The following JADE3 variants were observed in gnomAD, a reference collection of about 807,000 sequenced individuals.
The protein encoded by JADE3 is protein Jade-3.
Under a neutral mutation model 50.1 loss-of-function variants are expected in JADE3, and 2 were observed. That is an observed-to-expected ratio of 0.04 (90% CI 0.02 to 0.13). The LOEUF (loss-of-function observed/expected upper bound fraction) is 0.13, where lower values mean the gene tolerates loss of function less well. JADE3 is among the 10% of genes least tolerant of loss of function. The pLI, the probability that JADE3 is intolerant of heterozygous loss-of-function variation, is 1.00. For missense variants in JADE3, 475 were observed against 634.4 expected (o/e 0.75, Z 2.70); for synonymous variants, 218 against 232.9 (o/e 0.94, Z 0.58).
chrX:46,947,101 C>A (rs1926899623), intron 1 of JADE3, among the ~76,000 whole-genome samples: 1 of 111,945 alleles, frequency 8.9e-6, no homozygotes, highest in Admixed American at 9.5e-5. Flanking sequence ...CTCACTGCAA[C>A]CTCCCCCTCC....
intron 1 of JADE3, among the ~76,000 whole-genome samples, chrX:46,956,733 TTCC>T (rs1284382789): frequency 9.1e-6 from 1 of 110,078 alleles, no homozygotes. Flanking sequence ...CTTTCCTTCC[TTCC>T]TTTTTTCTTT....
chrX:47,008,125 A>ATGGG (rs1418169704), intron 4 of JADE3, among the ~76,000 whole-genome samples: 5 of 111,898 alleles, frequency 4.5e-5, no homozygotes, highest in Admixed American at 1.9e-4. Flanking sequence ...TAAAAGAAAT[A>ATGGG]GCTAACCATG....
chrX:46,991,542 G>A (rs1428851712), intron 3 of JADE3, among the ~76,000 whole-genome samples: 2 of 111,539 alleles, frequency 1.8e-5, no homozygotes, highest in African/African-American at 6.5e-5. Flanking sequence ...TTATGTTGAC[G>A]TACGTTTTCA....
chrX:47,060,722 T>G lies in JADE3; in HGVS notation c.*1645T>G, dbSNP rs1929759017. ...TGTATTTTGTTTGGGAAAAAAACTA[T>G]CAAAATGAGGAAGAGAATTTCCCCT... is the stretch of plus-strand genomic sequence containing the variant. On this transcript the variant is annotated 3_prime_UTR_variant, in exon 11 of 11. Transcript: ENST00000614628. 8.9e-6 allele frequency: 1 copy of G among 112,455 alleles called. No individual in the cohort carries two copies. The highest frequency in any genetic ancestry group is 1.9e-5 in the Non-Finnish European group (1 of 53,289). 9.3% of individuals were successfully genotyped at this position (112,455 alleles called of 1,213,427 possible).
chrX:47,049,181 C>CTTTTTTTTTTT (rs376747614), intron 8 of JADE3, among the ~76,000 whole-genome samples: 2 of 77,557 alleles, frequency 2.6e-5, no homozygotes, highest in Admixed American at 1.7e-4. Context: ...CTTTCTTCTT[C>CTTTTTTTTTTT]TTTTTTTTTT....
intron 3 of JADE3, among the ~76,000 whole-genome samples, chrX:46,988,941 G>C (rs976965299): frequency 8.9e-6 from 1 of 112,442 alleles, no homozygotes; most frequent in African/African-American, 3.2e-5. Context: ...CCAGGTTCAA[G>C]CGATTTTCCT....
At chrX:47,034,208 C>T (rs1556367374) in intron 7 of JADE3, among the ~76,000 whole-genome samples, 1 of 110,483 alleles carries the variant, frequency 9.1e-6, no homozygotes, top group African/African-American at 3.3e-5. Context: ...ATATTTTACA[C>T]GTTTGTATCT....
intron 5 of JADE3, among the ~76,000 whole-genome samples, chrX:47,026,942 G>A (rs1233855160): frequency 9.0e-6 from 1 of 111,663 alleles, no homozygotes; most frequent in Non-Finnish European, 1.9e-5. Flanking sequence ...AAAAAAAAAT[G>A]TGTAACTTGT....
intron 4 of JADE3, among the ~76,000 whole-genome samples, chrX:47,021,840 C>G (rs920507418): frequency 1.8e-5 from 2 of 111,508 alleles, no homozygotes; most frequent in Non-Finnish European, 3.8e-5. Flanking sequence ...GATGTAAGTC[C>G]TTTGTTGTCT....
intron 1 of JADE3, among the ~76,000 whole-genome samples, chrX:46,946,496 G>A (rs782721906): frequency 8.9e-6 from 1 of 112,046 alleles, no homozygotes; most frequent in African/African-American, 3.2e-5. Context: ...CTATCATGTG[G>A]CATGTATGAT....
Position 47,039,211 on chromosome X carries a change from G to A in JADE3, c.972+146G>A. 7.5e-6 allele frequency: 3 copies of A among 399,607 alleles called. No individual in the cohort carries two copies. In the South Asian group the frequency reaches 1.6e-4, roughly 21 times the overall value. The allele number at this position is 399,607 out of a possible 1,213,427, so 32.9% of individuals were successfully genotyped here. ...CTCTGCCATTGTACGGACCATTTCT[G>A]GAAATCCCTTTTTTGGATATTGCCT... On this transcript the variant is annotated intron_variant, in intron 8 of 10. Transcript: ENST00000614628.
intron 1 of JADE3, among the ~76,000 whole-genome samples, chrX:46,916,594 A>C (rs1383982459): frequency 8.9e-6 from 1 of 112,333 alleles, no homozygotes; most frequent in Non-Finnish European, 1.9e-5. Flanking sequence ...CATTCTTGTC[A>C]AGTTTGTTCT....
chrX:47,047,753 AG>A (rs1449805047), intron 8 of JADE3, among the ~76,000 whole-genome samples: 2 of 111,782 alleles, frequency 1.8e-5, no homozygotes, highest in Non-Finnish European at 3.8e-5. Flanking sequence ...CTTATAAACC[AG>A]TAATTCTACT....
chrX:47,025,284 A>G (rs1241152229), intron 5 of JADE3, among the ~76,000 whole-genome samples: 3 of 111,336 alleles, frequency 2.7e-5, no homozygotes, highest in African/African-American at 9.8e-5. Context: ...CCTGAAAAGC[A>G]GTGTGATCAG....
chrX:47,005,642 C>T (rs1190179281), intron 4 of JADE3, among the ~76,000 whole-genome samples: 2 of 112,286 alleles, frequency 1.8e-5, no homozygotes, highest in Non-Finnish European at 3.8e-5. Context: ...GAGTAGGGAG[C>T]CTAGACAGCA....
intron 10 of JADE3, 83 bp from the exon 11 acceptor site, chrX:47,058,084 A>G: frequency 2.6e-6 from 2 of 760,693 alleles, no homozygotes; most frequent in Non-Finnish European, 3.9e-6. Context: ...TTGGAAGAGT[A>G]GGTATGTGAA....
In JADE3 at chrX:47,012,580, C is replaced by CA. The variant is rs1240050574; in HGVS notation, c.285-12134dup. Among the ~76,000 whole-genome samples, 354 of 102,566 alleles carry CA rather than the reference C, an allele frequency of 3.5e-3. 1 individual carries two copies. Among genetic ancestry groups the CA allele is most frequent in the African/African-American group, 0.012 (329 of 28,485 alleles). The allele number at this position is 102,566 out of a possible 115,157, so 89.1% of individuals were successfully genotyped here. A position where few individuals can be genotyped will look rare whatever the true frequency, so the allele number is the denominator to read the frequency against. On this transcript the variant is annotated intron_variant, in intron 4 of 10. Transcript: ENST00000614628. ...TGGGTGACAGAGTGAGACCCTGCCT[C>CA]AAAAAAAAAAGTTTTTAATTGTGAT... is the stretch of plus-strand genomic sequence containing the variant.
At chrX:47,052,688 T>C (rs1929541611) in intron 8 of JADE3, among the ~76,000 whole-genome samples, 1 of 106,764 alleles carries the variant, frequency 9.4e-6, no homozygotes, top group Admixed American at 1.0e-4. Flanking sequence ...ATGTTTTATG[T>C]CTGTGCTGTC....
chrX:47,033,862 C>A, intron 7 of JADE3, 74 bp downstream of exon 7: 1 of 891,878 alleles, frequency 1.1e-6, no homozygotes, highest in Non-Finnish European at 1.5e-6. Context: ...CAGACTGACT[C>A]AGGCTCAGTA....
Sources: allele counts gnomAD v4.1 joint callset (sites outside exome capture counted in the v4.1 genomes callset), GRCh38; gene constraint gnomAD v4.1.1; transcripts MANE v1.5; gene names NCBI Gene and HGNC (gene_info 2026-07-23, HGNC 2026-07-21).